C17orf99: variants seen among roughly 807,000 people sequenced by gnomAD.
C17orf99 encodes protein IL-40.
C17orf99 carries 18 observed loss-of-function variants against 22.6 expected under a neutral mutation model. The observed-to-expected ratio is 0.80, with a 90% confidence interval of 0.55 to 1.18. The LOEUF (loss-of-function observed/expected upper bound fraction) is 1.18. Ranked by LOEUF, C17orf99 falls within the 50% of genes most tolerant of loss-of-function variation. The pLI is 0.00. For synonymous variants in C17orf99, 147 were observed against 136.6 expected, an observed-to-expected ratio of 1.08 and a Z score of -0.53; for missense variants, 328 against 342.7, an observed-to-expected ratio of 0.96 and a Z score of 0.34.
At chr17:78,164,716 A>G in intron 4 of C17orf99, 2 of 1,349,760 alleles carry the variant, frequency 1.5e-6, no homozygotes, top group Middle Eastern at 5.2e-4. Context: ...ATGGCCTGAG[A>G]GGTCCAACCG....
At chr17:78,163,449 A>G (rs1050821493) in intron 3 of C17orf99, among the ~76,000 whole-genome samples, 3 of 152,260 alleles carry the variant, frequency 2.0e-5, no homozygotes, top group African/African-American at 7.2e-5. Context: ...ACTGAATGAT[A>G]GAGTTGCCAG....
At chr17:78,145,830 C>T (rs2075433840), upstream of C17orf99, among the ~76,000 whole-genome samples, 1 of 140,410 alleles carries the variant, frequency 7.1e-6, no homozygotes, top group South Asian at 2.2e-4. Context: ...GAATCTCACT[C>T]TGTTGCCCAG....
At chr17:78,164,437 C>T in intron 4 of C17orf99, 73 bp downstream of exon 4, 1 of 1,550,180 alleles carries the variant, frequency 6.5e-7, no homozygotes, top group African/African-American at 1.4e-5. Context: ...GTCCAAGACA[C>T]AGGTCGATGG....
intron 2 of C17orf99, among the ~76,000 whole-genome samples, chr17:78,148,587 C>T (rs998403253): frequency 3.0e-4 from 45 of 152,034 alleles, no homozygotes; most frequent in African/African-American, 1.1e-3. Flanking sequence ...GGAAAGGGAA[C>T]ACCAGGTAGG....
At chr17:78,159,199 T>C (rs1291270735) in intron 2 of C17orf99, 1 of 152,024 alleles carries the variant, frequency 6.6e-6, no homozygotes, top group Non-Finnish European at 1.5e-5. Context: ...TAGCTGGGCA[T>C]GGTGGTGCAT....
intron 2 of C17orf99, among the ~76,000 whole-genome samples, chr17:78,154,441 G>A (rs138485579): frequency 6.6e-6 from 1 of 151,380 alleles, no homozygotes; most frequent in African/African-American, 2.4e-5. Flanking sequence ...CCAGCTACTC[G>A]GGCAGCTGAG....
intron 2 of C17orf99, 77 bp from the exon 3 acceptor site, chr17:78,160,878 G>A: frequency 7.8e-7 from 1 of 1,280,082 alleles, no homozygotes; most frequent in Non-Finnish European, 1.1e-6. Flanking sequence ...CACCGAGCCT[G>A]GCCAAACCAG....
rs955605505 is a variant in C17orf99 at position 78,165,956 on chromosome 17, C to T, written c.708C>T (p.Tyr236=). The T allele has an allele frequency of 1.2e-5, 18 of 1,504,992 alleles. No individual in the cohort carries two copies. The highest frequency in any genetic ancestry group is 2.5e-5 in the East Asian group (1 of 40,052). The allele number at this position is 1,504,992 out of a possible 1,614,324, so 93.2% of individuals were successfully genotyped here. ...LESPILALPL[Y]RSTRRLSEEE... is the part of the protein sequence containing the mutation. ...GCCCCATCCTTGCCTTGCCGCTCTA[C>T]AGGAGCACCCGCCGTCTGAGTGAAG... Residue 236 remains tyrosine, a synonymous_variant, in exon 5 of 5, where the codon TAC becomes TAT. Coordinates refer to ENST00000340363, the MANE Select transcript of C17orf99 (RefSeq NM_001163075.2).
chr17:78,163,283 A>G (rs1280492851), intron 3 of C17orf99, among the ~76,000 whole-genome samples: 1 of 152,152 alleles, frequency 6.6e-6, no homozygotes, highest in Non-Finnish European at 1.5e-5. Flanking sequence ...CAGGGGACCT[A>G]TTAAATGAAA....
chr17:78,152,408 C>T (rs555511217), intron 2 of C17orf99, among the ~76,000 whole-genome samples: 2 of 151,032 alleles, frequency 1.3e-5, no homozygotes, highest in Non-Finnish European at 2.9e-5. Context: ...AATCTTGGCT[C>T]GCTGCAGCCT....
At chr17:78,155,043 C>T (rs186184229) in intron 2 of C17orf99, among the ~76,000 whole-genome samples, 5 of 151,930 alleles carry the variant, frequency 3.3e-5, no homozygotes, top group Admixed American at 6.6e-5. Context: ...GACCATTCTT[C>T]GCGGTGGGGG....
rs982642714 is a variant in C17orf99 at position 78,165,961 on chromosome 17, G to A, written c.713G>A (p.Ser238Asn). The A allele has an allele frequency of 6.6e-6, 10 of 1,503,962 alleles. No individual in the cohort carries two copies. The highest frequency in any genetic ancestry group is 3.7e-4 in the Middle Eastern group (2 of 5,344). The allele number at this position is 1,503,962 out of a possible 1,614,324, so 93.2% of individuals were successfully genotyped here. ...ATCCTTGCCTTGCCGCTCTACAGGA[G>A]CACCCGCCGTCTGAGTGAAGAGGAG... ...SPILALPLYR[S>N]TRRLSEEEFG... The change falls in exon 5 of 5, where the codon AGC (serine) becomes AAC (asparagine). Residue 238 changes from serine to asparagine, a missense_variant. Transcript: ENST00000340363.
chr17:78,156,332 GA>G (rs769438256), intron 2 of C17orf99, among the ~76,000 whole-genome samples: 14,856 of 63,458 alleles, frequency 0.23, 759 homozygotes, highest in Middle Eastern at 0.41. Flanking sequence ...TCCTTCTCCA[GA>G]AAAAAAAAAA....
In C17orf99 at chr17:78,157,493, G is replaced by A. The variant is rs939716203; in HGVS notation, c.71-3462G>A. Reference sequence around the variant, plus strand: ...AGCGACCTTCCCAATGCAGTCCTCAGCATTGTGTAAAAATGACTTTGTAGG... The same window carrying A: ...AGCGACCTTCCCAATGCAGTCCTCAACATTGTGTAAAAATGACTTTGTAGG... On this transcript the variant is annotated intron_variant, in intron 2 of 4. Transcript: ENST00000340363. 1.4e-5 allele frequency: 17 copies of A among 1,245,534 alleles called. No individual in the cohort carries two copies. In the African/African-American group the frequency reaches 2.5e-4, roughly 18 times the overall value. The allele number at this position is 1,245,534 out of a possible 1,614,324, so 77.2% of individuals were successfully genotyped here. A position where few individuals can be genotyped will look rare whatever the true frequency, so the allele number is the denominator to read the frequency against.
At chr17:78,164,708 G>A in intron 4 of C17orf99, 1 of 1,362,556 alleles carries the variant, frequency 7.3e-7, no homozygotes. Context: ...AGCTGCTGAT[G>A]GCCTGAGAGG....
chr17:78,159,444 G>A (rs1240594673), intron 2 of C17orf99, among the ~76,000 whole-genome samples: 1 of 152,112 alleles, frequency 6.6e-6, no homozygotes. Context: ...TTCAAGACCA[G>A]TCTGGCCAAC....
chr17:78,151,241 A>C (rs1436449610), intron 2 of C17orf99, among the ~76,000 whole-genome samples: 1 of 151,774 alleles, frequency 6.6e-6, no homozygotes, highest in Non-Finnish European at 1.5e-5. Flanking sequence ...CCTGGCCAAC[A>C]TGCGGAAACC....
rs531868392 is a variant in C17orf99 at position 78,146,706 on chromosome 17, G to C, written c.38-173G>C. On this transcript the variant is annotated intron_variant, in intron 1 of 4. Transcript: ENST00000340363. The surrounding 1 kb of genome is among the most constrained non-coding windows in gnomAD (Gnocchi z 5.2). ...GGGCGGATGAGAGGCGATGTTGTGG[G>C]GGGAGGGGCGCAAAAGAGCTTTTGT... 1.0e-5 allele frequency: 7 copies of C among 684,260 alleles called. No homozygotes were observed. The South Asian group carries it at 1.1e-4, about 11-fold the overall frequency. 42.4% of individuals were successfully genotyped at this position (684,260 alleles called of 1,614,324 possible).
chr17:78,160,164 T>G (rs2075561993), intron 2 of C17orf99: 1 of 455,160 alleles, frequency 2.2e-6, no homozygotes, highest in Non-Finnish European at 4.4e-6. Flanking sequence ...TCTTTCTTTT[T>G]TCTTTACTCT....
Sources: allele counts gnomAD v4.1 joint callset (sites outside exome capture counted in the v4.1 genomes callset), GRCh38; gene constraint gnomAD v4.1.1; non-coding constraint Gnocchi (gnomAD v3.1); transcripts MANE v1.5; gene names NCBI Gene and HGNC (gene_info 2026-07-23, HGNC 2026-07-21).